Variants in ASH1L observed in about 807,000 individuals in gnomAD.
ASH1L encodes histone-lysine N-methyltransferase ASH1L.
ASH1L carries 23 observed loss-of-function variants against 269.0 expected under a neutral mutation model. The ratio of observed to expected loss-of-function variants is 0.09; its 90% CI spans 0.06 to 0.12. ASH1L has a LOEUF of 0.12. Among genes scored for constraint, ASH1L ranks in the 10% least tolerant of loss-of-function variants. The pLI is 1.00. For missense variants in ASH1L, 2,912 were observed against 3,567.8 expected, an observed-to-expected ratio of 0.82 and a Z score of 4.68; for synonymous variants, 1,187 against 1,253.5, an observed-to-expected ratio of 0.95 and a Z score of 1.12.
chr1:155,368,824 TAAAC>T (rs112587632), intron 12 of ASH1L, among the ~76,000 whole-genome samples: 34 of 152,346 alleles, frequency 2.2e-4, no homozygotes, highest in African/African-American at 7.0e-4. Context: ...CAGTAATTGA[TAAAC>T]AAACTGGTAA....
At chr1:155,511,797 C>A (rs1385130097) in intron 2 of ASH1L, among the ~76,000 whole-genome samples, 1 of 152,004 alleles carries the variant, frequency 6.6e-6, no homozygotes, top group Non-Finnish European at 1.5e-5. Flanking sequence ...AGCCACCACG[C>A]CCGGCAAGAT....
intron 7 of ASH1L, 87 bp from the exon 8 acceptor site, chr1:155,380,203 A>AC: frequency 1.1e-6 from 1 of 899,990 alleles, no homozygotes. Context: ...ACTAACATGT[A>AC]CTGACTAAAA....
At chr1:155,489,327 A>G (rs1394483785) in intron 2 of ASH1L, among the ~76,000 whole-genome samples, 1 of 152,096 alleles carries the variant, frequency 6.6e-6, no homozygotes, top group East Asian at 1.9e-4. Context: ...CAAAAAAATT[A>G]GCTGGGTGTG....
intron 7 of ASH1L, among the ~76,000 whole-genome samples, chr1:155,390,281 G>A (rs6669502): frequency 0.02 from 2,979 of 152,132 alleles, 94 homozygotes; most frequent in African/African-American, 0.068. Context: ...GAAATACAAC[G>A]TATCAAAACT....
At position 155,388,715 on chromosome 1, in the gene ASH1L, CTT is replaced by C. The variant is rs142537672; in HGVS notation, c.6103+6742_6103+6743del. ...GGTCTATGTGTCCTGAATTGCGATTCTTTTTTTTTTTTTTTTTCATAGAAAAC... is the reference window on the plus strand; with the variant it reads ...GGTCTATGTGTCCTGAATTGCGATTCTTTTTTTTTTTTTTTCATAGAAAAC... On this transcript the variant is annotated intron_variant, in intron 7 of 27. Transcript: ENST00000392403. Among the ~76,000 whole-genome samples, 348 of 131,656 alleles carry C rather than the reference CTT, an allele frequency of 2.6e-3. 3 individuals are homozygous for C. Among genetic ancestry groups the C allele is most frequent in the African/African-American group, 8.2e-3 (274 of 33,346 alleles). The allele number at this position is 131,656 out of a possible 152,430, so 86.4% of individuals were successfully genotyped here.
intron 6 of ASH1L, among the ~76,000 whole-genome samples, chr1:155,410,035 G>T (rs977980900): frequency 6.6e-6 from 1 of 151,812 alleles, no homozygotes; most frequent in East Asian, 1.9e-4. Context: ...CGTGGTGGTG[G>T]GCACCTGTAA....
intron 5 of ASH1L, among the ~76,000 whole-genome samples, chr1:155,430,839 T>C (rs1378642322): frequency 6.6e-6 from 1 of 152,122 alleles, no homozygotes; most frequent in East Asian, 1.9e-4. Context: ...CCCAAGCTGG[T>C]CTCAAACTCC....
chr1:155,459,924 T>C (rs1446084114), intron 3 of ASH1L, 26 bp from the exon 4 acceptor site: 1 of 1,528,160 alleles, frequency 6.5e-7, no homozygotes, highest in Non-Finnish European at 8.8e-7. Flanking sequence ...AAGATAGAAA[T>C]CATAGGAAAA....
intron 1 of ASH1L, among the ~76,000 whole-genome samples, chr1:155,523,836 A>G (rs1669049534): frequency 6.6e-6 from 1 of 151,938 alleles, no homozygotes; most frequent in Admixed American, 6.6e-5. Context: ...ATGCTATTGC[A>G]CTCCAGGCCA....
intron 2 of ASH1L, among the ~76,000 whole-genome samples, chr1:155,504,152 G>C (rs1352251556): frequency 2.0e-5 from 3 of 152,182 alleles, no homozygotes; most frequent in African/African-American, 7.2e-5. Context: ...GATATGGAAA[G>C]GTAGGTATTA....
Position 155,382,594 on chromosome 1 carries a change from A to G in ASH1L, c.6104-2478T>C, listed in dbSNP as rs189240926. ...AGATATTCCAGAAGACATTATTACCATATCAGATGACAGCTCCATGAGTGT... is the reference window on the plus strand; with the variant it reads ...AGATATTCCAGAAGACATTATTACCGTATCAGATGACAGCTCCATGAGTGT... On this transcript the variant is annotated intron_variant, in intron 7 of 27. Coordinates refer to ENST00000392403, the MANE Select transcript of ASH1L (RefSeq NM_018489.3). 1.9e-3 allele frequency among the ~76,000 whole-genome samples: 284 copies of G among 152,286 alleles called. 2 individuals carry two copies. The highest frequency in any genetic ancestry group is 6.6e-3 in the African/African-American group (275 of 41,570).
At chr1:155,382,748 C>G (rs915766967) in intron 7 of ASH1L, among the ~76,000 whole-genome samples, 4 of 150,964 alleles carry the variant, frequency 2.6e-5, no homozygotes, top group African/African-American at 9.7e-5. Flanking sequence ...TTTTTCAAGA[C>G]AGTGTCTCGC....
chr1:155,531,215 AG>A (rs1388974222), intron 1 of ASH1L, among the ~76,000 whole-genome samples: 1 of 152,130 alleles, frequency 6.6e-6, no homozygotes, highest in East Asian at 1.9e-4. Context: ...AAAAAAAAAA[AG>A]AATTGCTTTT....
intron 10 of ASH1L, among the ~76,000 whole-genome samples, chr1:155,374,006 T>C (rs1656209763): frequency 6.6e-6 from 1 of 152,114 alleles, no homozygotes; most frequent in Non-Finnish European, 1.5e-5. Context: ...AAGAAAATAA[T>C]CGTCAAAATA....
At chr1:155,398,892 T>TTTTA (rs909577969) in intron 6 of ASH1L, among the ~76,000 whole-genome samples, 7 of 151,950 alleles carry the variant, frequency 4.6e-5, no homozygotes, top group East Asian at 1.9e-4. Context: ...GGATGGGACA[T>TTTTA]TTTATTTATT....
rs564745693 is a variant in ASH1L, at chr1:155,471,086, C to T, written c.4984+6800G>A. Among the ~76,000 whole-genome samples the T allele has an allele frequency of 5.8e-3, 889 of 152,222 alleles. 4 individuals are homozygous for T. The highest frequency in any genetic ancestry group is 9.7e-3 in the Non-Finnish European group (662 of 68,002). Reference sequence around the variant, plus strand: ...CAACTAAACCTATTCTCACATCTACCTGAAAAAAGTATATTAAGTTTCTAT... The same window carrying T: ...CAACTAAACCTATTCTCACATCTACTTGAAAAAAGTATATTAAGTTTCTAT... On this transcript the variant is annotated intron_variant, in intron 3 of 27. Transcript: ENST00000392403.
chr1:155,346,306 C>A (rs1440535685), intron 21 of ASH1L, 77 bp downstream of exon 21: 2 of 1,561,056 alleles, frequency 1.3e-6, no homozygotes, highest in Admixed American at 3.5e-5. Flanking sequence ...TTCTGCAAAG[C>A]AGGAGCAGGA....
intron 1 of ASH1L, among the ~76,000 whole-genome samples, chr1:155,527,121 T>C (rs990896245): frequency 2.0e-5 from 3 of 152,072 alleles, no homozygotes; most frequent in Admixed American, 6.5e-5. Flanking sequence ...GGCAGGAGAA[T>C]TGCTTGAACC....
At chr1:155,340,154 G>A (rs976561260) in intron 25 of ASH1L, among the ~76,000 whole-genome samples, 3 of 151,952 alleles carry the variant, frequency 2.0e-5, no homozygotes, top group African/African-American at 7.2e-5. Context: ...GGGAAAATAG[G>A]AACATATTGC....
Sources: gnomAD v4.1 joint callset for allele counts (sites outside exome capture counted in the v4.1 genomes callset) on GRCh38, gnomAD v4.1.1 for gene constraint, MANE v1.5 for transcripts, NCBI Gene and HGNC (gene_info 2026-07-23, HGNC 2026-07-21) for gene names.